The following SNX29 variants were observed in gnomAD, a reference collection of about 807,000 sequenced individuals.
The protein encoded by SNX29 is sorting nexin 29.
In SNX29, 78 loss-of-function variants were observed where a neutral mutation model predicts 102.1. The observed-to-expected ratio is 0.76, with a 90% CI of 0.64 to 0.92. The LOEUF (loss-of-function observed/expected upper bound fraction) is 0.92, where lower values mean the gene tolerates loss of function less well. Ranked by LOEUF, SNX29 falls within the 40% of genes least tolerant of loss-of-function variation. SNX29 has a pLI of 0.00. For missense variants in SNX29, 1,280 were observed against 1,061.7 expected (o/e 1.21, Z -2.86); for synonymous variants, 580 against 414.5 (o/e 1.40, Z -4.85).
Position 12,325,089 on chromosome 16 carries a change from C to T in SNX29, c.1783-31074C>T, listed in dbSNP as rs2081076302. On this transcript the variant is annotated intron_variant, in intron 15 of 20. Transcript: ENST00000566228. ...GTAACTGCCCCCAGTTTTTAACTGA[C>T]TTTCCTTTGCAAAATTTTGCCCTTC... Among the ~76,000 whole-genome samples the T allele has an allele frequency of 2.0e-5, 3 of 152,126 alleles. No homozygotes were observed. In the South Asian group the frequency reaches 6.2e-4, roughly 32 times the overall value.
chr16:12,548,038 G>T (rs779132328), intron 20 of SNX29, among the ~76,000 whole-genome samples: 2 of 152,120 alleles, frequency 1.3e-5, no homozygotes, highest in African/African-American at 2.4e-5. Flanking sequence ...TATTGGTAAG[G>T]CAAGCACCAC....
At chr16:12,414,193 C>G (rs115201058) in intron 18 of SNX29, among the ~76,000 whole-genome samples, 2 of 151,988 alleles carry the variant, frequency 1.3e-5, no homozygotes, top group Non-Finnish European at 2.9e-5. Flanking sequence ...CCCACTGATA[C>G]GGAGGGCTGA....
chr16:12,494,675 G>C (rs961984272), intron 19 of SNX29, among the ~76,000 whole-genome samples: 24 of 152,078 alleles, frequency 1.6e-4, no homozygotes, highest in Non-Finnish European at 3.2e-4. Context: ...TAATTTTTCA[G>C]CTCTTCTGCC....
intron 15 of SNX29, among the ~76,000 whole-genome samples, chr16:12,289,007 G>A (rs2079701190): frequency 6.6e-6 from 1 of 152,202 alleles, no homozygotes; most frequent in Non-Finnish European, 1.5e-5. Context: ...TTAGTTCTAA[G>A]TGGAGCCAGG....
At chr16:12,036,391 G>A (rs1216260919) in intron 4 of SNX29, among the ~76,000 whole-genome samples, 2 of 142,102 alleles carry the variant, frequency 1.4e-5, no homozygotes, top group Non-Finnish European at 3.0e-5. Flanking sequence ...CTGGAGTGCA[G>A]TGGCACCATC....
At chr16:12,381,801 A>T (rs1266781438) in intron 16 of SNX29, among the ~76,000 whole-genome samples, 8 of 104,336 alleles carry the variant, frequency 7.7e-5, no homozygotes, top group Non-Finnish European at 1.3e-4. Context: ...ATCATCTACC[A>T]TCTGTCATCC....
At chr16:12,221,805 G>A (rs1368906155) in intron 14 of SNX29, among the ~76,000 whole-genome samples, 4 of 152,292 alleles carry the variant, frequency 2.6e-5, no homozygotes, top group Admixed American at 6.5e-5. Flanking sequence ...GCTCTCCAGC[G>A]TGTCTGTTGA....
intron 16 of SNX29, among the ~76,000 whole-genome samples, chr16:12,380,664 A>T (rs1320930212): frequency 2.1e-5 from 1 of 47,218 alleles, no homozygotes; most frequent in East Asian, 6.5e-4. Flanking sequence ...CCATCCACCC[A>T]CCCACCATCC....
chr16:12,366,042 CAAAAAAAAAA>C lies in SNX29; in HGVS notation c.1899+9782_1899+9791del, dbSNP rs55895030. 1.4e-3 allele frequency among the ~76,000 whole-genome samples: 105 copies of C among 72,444 alleles called. 1 individual carries two copies. Among genetic ancestry groups the C allele is most frequent in the African/African-American group, 4.1e-3 (92 of 22,508 alleles). 47.5% of individuals were successfully genotyped at this position (72,444 alleles called of 152,430 possible). On this transcript the variant is annotated intron_variant, in intron 16 of 20. Transcript: ENST00000566228. ...GGGCGTCAGAGTGAGACTCTTGTCT[CAAAAAAAAAA>C]AAAAAAAAAAAAAAAAAATCAGAAC... is the stretch of plus-strand genomic sequence containing the variant.
At chr16:12,547,776 C>T (rs977527249) in intron 20 of SNX29, among the ~76,000 whole-genome samples, 3 of 152,174 alleles carry the variant, frequency 2.0e-5, no homozygotes, top group African/African-American at 7.2e-5. Flanking sequence ...CTCACACTTG[C>T]CTGGCTACCG....
intron 20 of SNX29, among the ~76,000 whole-genome samples, chr16:12,544,332 G>A (rs1486312816): frequency 6.6e-6 from 1 of 152,190 alleles, no homozygotes; most frequent in Non-Finnish European, 1.5e-5. Flanking sequence ...TCATGAGGCA[G>A]GAAAAGTCAG....
chr16:12,303,261 A>G (rs546722431), intron 15 of SNX29, among the ~76,000 whole-genome samples: 1 of 152,332 alleles, frequency 6.6e-6, no homozygotes, highest in South Asian at 2.1e-4. Flanking sequence ...CCCTAGTGAA[A>G]CACTTGCCCA....
At chr16:12,240,192 T>C (rs866194860) in intron 14 of SNX29, among the ~76,000 whole-genome samples, 21 of 152,184 alleles carry the variant, frequency 1.4e-4, no homozygotes, top group Admixed American at 1.3e-4. Flanking sequence ...TATATCCACA[T>C]TTTAGTGTAG....
intron 8 of SNX29, among the ~76,000 whole-genome samples, chr16:12,056,713 C>T (rs1419039558): frequency 2.6e-5 from 4 of 152,138 alleles, no homozygotes. Flanking sequence ...TTTCTTCTGC[C>T]TCTGTATTTA....
At chr16:12,447,229 C>G (rs1275236208) in intron 18 of SNX29, among the ~76,000 whole-genome samples, 2 of 132,572 alleles carry the variant, frequency 1.5e-5, no homozygotes, top group Non-Finnish European at 3.2e-5. Flanking sequence ...AGCACCATTT[C>G]TTAAATACAA....
intron 16 of SNX29, chr16:12,374,411 C>T (rs1731588424): frequency 6.6e-6 from 1 of 152,220 alleles, no homozygotes; most frequent in African/African-American, 2.4e-5. Flanking sequence ...GTCACTTCCA[C>T]AGAGGACTGC....
intron 3 of SNX29, among the ~76,000 whole-genome samples, chr16:12,025,403 T>A (rs923022569): frequency 6.6e-6 from 1 of 152,066 alleles, no homozygotes; most frequent in African/African-American, 2.4e-5. Flanking sequence ...GAGGTTTGTT[T>A]CAATGTGGGG....
chr16:12,118,265 C>T lies in SNX29; in HGVS notation c.1403-8368C>T, dbSNP rs565479204. Among the ~76,000 whole-genome samples the T allele has an allele frequency of 4.8e-5, 7 of 146,472 alleles. No homozygotes were observed. The South Asian group carries it at 8.7e-4, about 18-fold the overall frequency. The stretch of plus-strand genomic sequence containing the variant: ...AGTACTCCTTTAAAGCTAAAGTGCT[C>T]ATGATGCCTTTTAAAAGAAGACTGT... On this transcript the variant is annotated intron_variant, in intron 11 of 20. Coordinates refer to ENST00000566228, the MANE Select transcript of SNX29 (RefSeq NM_032167.5).
At chr16:12,561,976 C>G (rs5018327) in intron 20 of SNX29, among the ~76,000 whole-genome samples, 1 of 151,992 alleles carries the variant, frequency 6.6e-6, no homozygotes, top group East Asian at 1.9e-4. Context: ...CCCAGAGTGT[C>G]TACCAGCTTG....
Sources: allele counts gnomAD v4.1 joint callset (sites outside exome capture counted in the v4.1 genomes callset), GRCh38; gene constraint gnomAD v4.1.1; transcripts MANE v1.5; gene names NCBI Gene and HGNC (gene_info 2026-07-23, HGNC 2026-07-21).